TMEM260: variants seen among roughly 807,000 people sequenced by gnomAD.
TMEM260 encodes transmembrane protein 260.
In TMEM260, 82 loss-of-function variants were observed where a neutral mutation model predicts 88.9. That is an observed-to-expected ratio of 0.92 (90% confidence interval 0.77 to 1.11). The LOEUF is 1.11. TMEM260 is among the 50% of genes least tolerant of loss of function. The pLI is 0.00. For missense variants in TMEM260, 902 were observed against 853.4 expected, an observed-to-expected ratio of 1.06 and a Z score of -0.71; for synonymous variants, 314 against 309.3, an observed-to-expected ratio of 1.02 and a Z score of -0.16.
At chr14:56,630,238 G>A (rs1452291434) in intron 12 of TMEM260, among the ~76,000 whole-genome samples, 1 of 152,006 alleles carries the variant, frequency 6.6e-6, no homozygotes, top group Non-Finnish European at 1.5e-5. Context: ...GGATTTCTTT[G>A]CGTTAACTTG....
At chr14:56,584,618 C>T (rs987065830) in intron 1 of TMEM260, among the ~76,000 whole-genome samples, 3 of 152,026 alleles carry the variant, frequency 2.0e-5, no homozygotes, top group African/African-American at 7.2e-5. Flanking sequence ...GCGCATTTTA[C>T]CTTACTATAA....
downstream of TMEM260, among the ~76,000 whole-genome samples, chr14:56,654,736 C>G (rs1026847623): frequency 1.4e-5 from 2 of 143,314 alleles, no homozygotes; most frequent in African/African-American, 5.1e-5. Flanking sequence ...ATCGCTTGAA[C>G]CCGGGAGGCA....
chr14:56,600,865 C>T (rs1008213680), intron 3 of TMEM260, among the ~76,000 whole-genome samples: 23 of 152,230 alleles, frequency 1.5e-4, no homozygotes, highest in African/African-American at 5.3e-4. Context: ...ATTTGATTTC[C>T]ATTACTGGTT....
intron 3 of TMEM260, among the ~76,000 whole-genome samples, chr14:56,602,686 G>T (rs951822238): frequency 6.6e-6 from 1 of 152,102 alleles, no homozygotes; most frequent in African/African-American, 2.4e-5. Context: ...AATCAGGATC[G>T]CTGGAAGAAC....
intron 14 of TMEM260, among the ~76,000 whole-genome samples, chr14:56,635,524 G>T (rs781222998): frequency 6.6e-6 from 1 of 152,172 alleles, no homozygotes; most frequent in African/African-American, 2.4e-5. Context: ...CTGTAGTTCA[G>T]AGAGGACAGC....
At chr14:56,601,298 C>T (rs1886561025) in intron 3 of TMEM260, among the ~76,000 whole-genome samples, 1 of 152,164 alleles carries the variant, frequency 6.6e-6, no homozygotes, top group African/African-American at 2.4e-5. Context: ...GAGTTTTCTT[C>T]CTGAGGATTC....
downstream of TMEM260, among the ~76,000 whole-genome samples, chr14:56,654,671 A>G (rs894836896): frequency 3.3e-5 from 5 of 151,926 alleles, no homozygotes; most frequent in African/African-American, 1.2e-4. Context: ...AAAGTTAGCC[A>G]GGTGTTGTGG....
downstream of TMEM260, among the ~76,000 whole-genome samples, chr14:56,654,102 C>CT (rs2139671304): frequency 1.3e-5 from 2 of 152,318 alleles, no homozygotes; most frequent in East Asian, 3.9e-4. Flanking sequence ...ATACGTTGAA[C>CT]TTTCCCCCTC....
intron 15 of TMEM260, among the ~76,000 whole-genome samples, chr14:56,636,926 A>G (rs1372153349): frequency 2.0e-5 from 3 of 152,212 alleles, no homozygotes; most frequent in African/African-American, 7.2e-5. Flanking sequence ...ACCCCAGATT[A>G]TCCAGGTGGG....
chr14:56,650,731 T>C (rs1225116892), downstream of TMEM260: 2 of 150,622 alleles, frequency 1.3e-5, no homozygotes, highest in African/African-American at 4.8e-5. Context: ...TTTTAAGTCA[T>C]CAGGCTAGGA....
the TMEM260 span, among the ~76,000 whole-genome samples, chr14:56,657,107 G>A: frequency 6.6e-6 from 1 of 152,094 alleles, no homozygotes; most frequent in African/African-American, 2.4e-5. Context: ...GGACTTCTCA[G>A]AGAACAGTCT....
chr14:56,641,704 A>AAAAG (rs1291960985), intron 15 of TMEM260, among the ~76,000 whole-genome samples: 26 of 152,398 alleles, frequency 1.7e-4, no homozygotes, highest in African/African-American at 5.8e-4. Flanking sequence ...TGCTCCAATT[A>AAAAG]AAAGACACAG....
chr14:56,585,792 C>G lies in TMEM260; in HGVS notation c.224C>G (p.Thr75Arg). 1 of 1,613,470 alleles carries G rather than the reference C, an allele frequency of 6.2e-7. No individual in the cohort carries two copies. The highest frequency in any genetic ancestry group is 8.5e-7 in the Non-Finnish European group (1 of 1,179,632). Residue 75 changes from threonine to arginine, a missense_variant, in exon 3 of 16, where the codon ACG (threonine) becomes AGG (arginine). By Grantham distance (71) the Thr-to-Arg change is moderately conservative. Coordinates refer to ENST00000261556, the MANE Select transcript of TMEM260 (RefSeq NM_017799.4). ...VAHPPGYPLFTLVAKLAITLF... is the reference protein window; with the variant it reads ...VAHPPGYPLFRLVAKLAITLF... ...CATCCTCCTGGCTATCCTTTGTTCACGCTGGTGGCTAAACTGGCAATTACA... is the reference window on the plus strand; with the variant it reads ...CATCCTCCTGGCTATCCTTTGTTCAGGCTGGTGGCTAAACTGGCAATTACA...
At chr14:56,635,901 A>C (rs1159057293) in intron 14 of TMEM260, among the ~76,000 whole-genome samples, 2 of 152,188 alleles carry the variant, frequency 1.3e-5, no homozygotes, top group Middle Eastern at 3.2e-3. Context: ...GTCAGAAAAT[A>C]GCATATTTTA....
At chr14:56,659,657 C>T in the TMEM260 span, among the ~76,000 whole-genome samples, 5 of 152,116 alleles carry the variant, frequency 3.3e-5, no homozygotes, top group Admixed American at 2.0e-4. Context: ...AGGATCTAGT[C>T]GGGGATTATT....
intron 4 of TMEM260, among the ~76,000 whole-genome samples, 184 bp from the exon 5 acceptor site, chr14:56,605,386 A>G (rs1305304820): frequency 6.6e-6 from 1 of 152,210 alleles, no homozygotes; most frequent in Non-Finnish European, 1.5e-5. Flanking sequence ...GAACTTGGAA[A>G]ATATTAACAA....
chr14:56,605,781 G>C lies in TMEM260; in HGVS notation c.636+98G>C, dbSNP rs981653165. On this transcript the variant is annotated intron_variant, in intron 5 of 15. Coordinates refer to ENST00000261556, the MANE Select transcript of TMEM260 (RefSeq NM_017799.4). Reference sequence around the variant, plus strand: ...AAATTTCAGGCTTTAATTTTTCTTGGGTTTCATGTAAAGCATAAATAACCC... The same window carrying C: ...AAATTTCAGGCTTTAATTTTTCTTGCGTTTCATGTAAAGCATAAATAACCC... 5 of 710,760 alleles carry C rather than the reference G, an allele frequency of 7.0e-6. No individual in the cohort carries two copies. In the African/African-American group the frequency reaches 9.4e-5, roughly 13 times the overall value. The allele number at this position is 710,760 out of a possible 1,614,324, so 44.0% of individuals were successfully genotyped here.
chr14:56,625,479 C>G lies in TMEM260; in HGVS notation c.1496C>G (p.Pro499Arg). 1 of 1,611,314 alleles carries G rather than the reference C, an allele frequency of 6.2e-7. No individual in the cohort carries two copies. The highest frequency in any genetic ancestry group is 8.5e-7 in the Non-Finnish European group (1 of 1,177,562). ...NRWNPVEGIL[P>R]SGMVTFNLYH... Reference sequence around the variant, plus strand: ...TGGAATCCTGTGGAAGGAATATTACCTAGTGGAATGGTCACATTTAATCTT... The same window carrying G: ...TGGAATCCTGTGGAAGGAATATTACGTAGTGGAATGGTCACATTTAATCTT... Residue 499 changes from proline to arginine, a missense_variant, in exon 12 of 16, where the codon CCT becomes CGT. Transcript: ENST00000261556.
intron 15 of TMEM260, among the ~76,000 whole-genome samples, chr14:56,645,383 T>A (rs1339867834): frequency 6.6e-6 from 1 of 151,864 alleles, no homozygotes; most frequent in Non-Finnish European, 1.5e-5. Context: ...CTGAGCAAAC[T>A]ATCGCAAGGA....
Sources: gnomAD v4.1 joint callset for allele counts (sites outside exome capture counted in the v4.1 genomes callset) on GRCh38, gnomAD v4.1.1 for gene constraint, MANE v1.5 for transcripts, NCBI Gene and HGNC (gene_info 2026-07-23, HGNC 2026-07-21) for gene names.